The following PSG11 variants were observed in gnomAD, a reference collection of about 807,000 sequenced individuals.
PSG11 encodes pregnancy specific beta-1-glycoprotein 11.
PSG11 carries 42 observed loss-of-function variants against 36.0 expected under a neutral mutation model. That is an observed-to-expected ratio of 1.17 (90% CI 0.91 to 1.51). PSG11 has a LOEUF of 1.51. PSG11 is among the 40% of genes most tolerant of loss of function. The pLI is 0.00. For synonymous variants in PSG11, 206 were observed against 153.5 expected (o/e 1.34, Z -2.53); for missense variants, 558 against 403.5 (o/e 1.38, Z -3.28).
At chr19:43,021,644 C>T (rs968087250) in intron 2 of PSG11, among the ~76,000 whole-genome samples, 1 of 151,472 alleles carries the variant, frequency 6.6e-6, no homozygotes, top group Admixed American at 6.6e-5. Flanking sequence ...CTGTGCCCAG[C>T]CATCTCAAAG....
chr19:43,008,404 C>G (rs1973983851), intron 5 of PSG11, among the ~76,000 whole-genome samples: 1 of 151,076 alleles, frequency 6.6e-6, no homozygotes. Flanking sequence ...TCCTGAGTAG[C>G]TGGGACTACA....
chr19:43,011,254 T>C (rs1974070724), intron 4 of PSG11, among the ~76,000 whole-genome samples: 2 of 151,158 alleles, frequency 1.3e-5, no homozygotes, highest in South Asian at 4.2e-4. Context: ...AACACTCTCA[T>C]TGCAATTTTC....
At chr19:43,012,293 A>C (rs1974097465) in intron 4 of PSG11, among the ~76,000 whole-genome samples, 1 of 151,464 alleles carries the variant, frequency 6.6e-6, no homozygotes, top group Non-Finnish European at 1.5e-5. Context: ...TGAAAGGTCT[A>C]GTCAAAAAAA....
intron 2 of PSG11, among the ~76,000 whole-genome samples, chr19:43,022,872 G>A (rs4029160): frequency 0.51 from 76,276 of 149,150 alleles, 20,946 homozygotes; most frequent in East Asian, 0.99. Flanking sequence ...CAGTGTTAGC[G>A]GGAAGGGAAT....
intron 3 of PSG11, chr19:43,018,562 C>G: frequency 8.3e-7 from 1 of 1,206,962 alleles, no homozygotes; most frequent in Non-Finnish European, 1.2e-6. Context: ...GACCCTGAGC[C>G]TCCCATGACA....
chr19:43,014,736 C>G, intron 4 of PSG11: 3 of 1,227,128 alleles, frequency 2.4e-6, no homozygotes, highest in Non-Finnish European at 3.1e-6. Context: ...CTCAGATGTT[C>G]CTTGTAGTTC....
intron 4 of PSG11, 27 bp from the exon 5 acceptor site, chr19:43,010,068 G>T (rs1200714957): frequency 1.2e-6 from 2 of 1,601,216 alleles, no homozygotes; most frequent in Non-Finnish European, 8.5e-7. Context: ...AGAAAAGAAG[G>T]AATGAAGGTG....
In PSG11 at chr19:43,026,404, G is replaced by A. The variant is rs1458275733; in HGVS notation, c.-32C>T. 6.2e-7 allele frequency: 1 copy of A among 1,605,922 alleles called. No individual in the cohort carries two copies. Among genetic ancestry groups the A allele is most frequent in the Non-Finnish European group, 8.5e-7 (1 of 1,175,412 alleles). ...TGCTGCGTGCATGTTCTCCTCTGTGGAGATGAGCCTAGGATCCAGAAGCTT... is the reference window on the plus strand; with the variant it reads ...TGCTGCGTGCATGTTCTCCTCTGTGAAGATGAGCCTAGGATCCAGAAGCTT... On this transcript the variant is annotated 5_prime_UTR_variant, in exon 1 of 6. Transcript: ENST00000320078.
At chr19:43,016,524 G>T (rs1487546946) in intron 3 of PSG11, among the ~76,000 whole-genome samples, 1 of 151,328 alleles carries the variant, frequency 6.6e-6, no homozygotes, top group African/African-American at 2.4e-5. Context: ...AAACCCTGAA[G>T]ATACTGAGCA....
At chr19:43,025,212 G>A (rs548451910) in intron 1 of PSG11, 156 bp from the exon 2 acceptor site, 20 of 1,320,074 alleles carry the variant, frequency 1.5e-5, no homozygotes, top group Non-Finnish European at 2.1e-5. Flanking sequence ...CAGAAAAGGG[G>A]CATGTGTGTT....
intron 4 of PSG11, chr19:43,010,536 C>G: frequency 1.7e-6 from 1 of 597,892 alleles, no homozygotes; most frequent in Non-Finnish European, 2.8e-6. Flanking sequence ...AAGCCTAGTT[C>G]TCTGAGGCTC....
At chr19:43,022,252 T>C (rs1025303368) in intron 2 of PSG11, among the ~76,000 whole-genome samples, 7 of 151,602 alleles carry the variant, frequency 4.6e-5, no homozygotes, top group Admixed American at 2.6e-4. Context: ...AACATCACTA[T>C]TGTAGAACGT....
intron 2 of PSG11, 54 bp from the exon 3 acceptor site, chr19:43,019,102 A>C: frequency 6.3e-7 from 1 of 1,582,668 alleles, no homozygotes; most frequent in Non-Finnish European, 8.6e-7. Context: ...GATTCCTCCA[A>C]AGGCATTTTT....
At chr19:43,016,368 A>T (rs1003420568) in intron 3 of PSG11, among the ~76,000 whole-genome samples, 1 of 151,066 alleles carries the variant, frequency 6.6e-6, no homozygotes, top group South Asian at 2.1e-4. Context: ...TGGCTGGCTC[A>T]CCTTGGGTTC....
At chr19:43,020,288 T>G (rs1967072171) in intron 2 of PSG11, among the ~76,000 whole-genome samples, 1 of 151,452 alleles carries the variant, frequency 6.6e-6, no homozygotes, top group Admixed American at 6.6e-5. Context: ...ATGTACTGGT[T>G]TAGCATCCCA....
At chr19:43,011,712 A>C (rs1296591991) in intron 4 of PSG11, among the ~76,000 whole-genome samples, 1 of 150,936 alleles carries the variant, frequency 6.6e-6, no homozygotes, top group Non-Finnish European at 1.5e-5. Context: ...CTGGGGAGAT[A>C]CTGTCTCTAC....
At chr19:43,015,527 A>C (rs1483132731) in intron 3 of PSG11, among the ~76,000 whole-genome samples, 157 bp from the exon 4 acceptor site, 1 of 151,314 alleles carries the variant, frequency 6.6e-6, no homozygotes, top group Non-Finnish European at 1.5e-5. Flanking sequence ...TGAAGTATTC[A>C]CCTGTTTCTC....
At position 43,024,978 on chromosome 19, in the gene PSG11, C is replaced by T; in HGVS notation, c.143G>A (p.Gly48Glu). The T allele has an allele frequency of 1.2e-6, 2 of 1,611,496 alleles. No homozygotes were observed. Among genetic ancestry groups the T allele is most frequent in the Non-Finnish European group, 1.7e-6 (2 of 1,178,854 alleles). The change falls in exon 2 of 6, where the codon GGG becomes GAG. Residue 48 changes from glycine to glutamate, a missense_variant. Transcript: ENST00000320078. ...GTGGACAAGTAGAAGAACATCCTTC[C>T]CCTCGGACACTTTGGGTGGCTGGGC... ...IEAQPPKVSE[G>E]KDVLLLVHNL...
chr19:43,007,877 T>C lies in PSG11; in HGVS notation c.*206A>G. 2.7e-6 allele frequency: 1 copy of C among 363,786 alleles called. No individual in the cohort carries two copies. Among genetic ancestry groups the C allele is most frequent in the Non-Finnish European group, 5.2e-6 (1 of 192,754 alleles). The allele number at this position is 363,786 out of a possible 1,614,324, so 22.5% of individuals were successfully genotyped here. A position where few individuals can be genotyped will look rare whatever the true frequency, so the allele number is the denominator to read the frequency against. On this transcript the variant is annotated 3_prime_UTR_variant, in exon 6 of 6. Transcript: ENST00000320078. The stretch of plus-strand genomic sequence containing the variant: ...AAATTATGAAAACATTATCCTTTTG[T>C]TATTTAGTCCAATGAAATGGAGTTC...
Sources: gnomAD v4.1 joint callset for allele counts (sites outside exome capture counted in the v4.1 genomes callset) on GRCh38, gnomAD v4.1.1 for gene constraint, MANE v1.5 for transcripts, NCBI Gene and HGNC (gene_info 2026-07-23, HGNC 2026-07-21) for gene names.